Variants in UNC13D observed in about 807,000 individuals in gnomAD.
UNC13D encodes the protein unc-13 homolog D.
A neutral mutation model predicts 151.7 loss-of-function variants in UNC13D; 115 were observed. The observed-to-expected ratio is 0.76, with a 90% CI of 0.65 to 0.88. The LOEUF (loss-of-function observed/expected upper bound fraction) is 0.88. Among genes scored for constraint, UNC13D ranks in the 40% least tolerant of loss-of-function variants. UNC13D has a pLI of 0.00. For synonymous variants in UNC13D, 588 were observed against 612.2 expected (o/e 0.96, Z 0.58); for missense variants, 1,369 against 1,438.7 (o/e 0.95, Z 0.78).
At chr17:75,835,244 C>T (rs1047467462) in intron 20 of UNC13D, 165 bp downstream of exon 20, 2 of 1,364,340 alleles carry the variant, frequency 1.5e-6, no homozygotes, top group Admixed American at 2.1e-5. Flanking sequence ...GCCACAGCCC[C>T]AAGGATATCC....
chr17:75,842,618 G>A lies in UNC13D; in HGVS notation c.389-5C>T. ...GGCAGTAGGGGTCGCTGAACCCTGT[G>A]GAGGAGTGGGGAAGACGAGGCAGCC... On this transcript the variant is annotated splice_region_variant and splice_polypyrimidine_tract_variant and intron_variant, in intron 5 of 31. Coordinates refer to ENST00000207549, the MANE Select transcript of UNC13D (RefSeq NM_199242.3). 6.2e-7 allele frequency: 1 copy of A among 1,611,290 alleles called. No individual in the cohort carries two copies. The highest frequency in any genetic ancestry group is 1.3e-5 in the African/African-American group (1 of 75,046).
chr17:75,831,321 T>C lies in UNC13D; in HGVS notation c.2475A>G (p.Thr825=), dbSNP rs2143867617. The C allele has an allele frequency of 6.2e-7, 1 of 1,612,780 alleles. No individual in the cohort carries two copies. Among genetic ancestry groups the C allele is most frequent in the Non-Finnish European group, 8.5e-7 (1 of 1,179,968 alleles). Reference sequence around the variant, plus strand: ...CGGCCGCCTCCACCAGCACTGTGAGTGTGTGGGTCCAGAGCAGGGTCAGGA... The same window carrying C: ...CGGCCGCCTCCACCAGCACTGTGAGCGTGTGGGTCCAGAGCAGGGTCAGGA... ...SSLLTLLWTH[T]LTVLVEAAAS... is the part of the protein sequence containing the mutation. The change falls in exon 26 of 32, where the codon ACA becomes ACG. Residue 825 remains threonine (T), a synonymous_variant. Coordinates refer to ENST00000207549, the MANE Select transcript of UNC13D (RefSeq NM_199242.3).
Position 75,827,642 on chromosome 17 carries a change from A to AGATGGGCCAGGGCCAGGAGG in UNC13D, c.*322_*323insCCTCCTGGCCCTGGCCCATC, listed in dbSNP as rs2062132892. ...GAGGCAGATGGGCCAGGGCCAGGAGACAGATGGCCCAATCCCCTGCCCACC... is the reference window on the plus strand; with the variant it reads ...GAGGCAGATGGGCCAGGGCCAGGAGAGATGGGCCAGGGCCAGGAGGCAGATGGCCCAATCCCCTGCCCACC... On this transcript the variant is annotated 3_prime_UTR_variant, in exon 32 of 32. Transcript: ENST00000207549. 6.5e-7 allele frequency: 1 copy of AGATGGGCCAGGGCCAGGAGG among 1,531,032 alleles called. No individual in the cohort carries two copies. The highest frequency in any genetic ancestry group is 1.4e-5 in the African/African-American group (1 of 69,302). 94.8% of individuals were successfully genotyped at this position (1,531,032 alleles called of 1,614,324 possible).
At chr17:75,841,961 A>G (rs1038305087) in intron 6 of UNC13D, among the ~76,000 whole-genome samples, 4 of 151,160 alleles carry the variant, frequency 2.6e-5, no homozygotes, top group Non-Finnish European at 5.9e-5. Context: ...GTTAGCCAGG[A>G]TGGTCTCAAT....
Position 75,835,059 on chromosome 17 carries a change from A to T in UNC13D, c.1853T>A (p.Val618Glu). 4 of 1,613,598 alleles carry T rather than the reference A, an allele frequency of 2.5e-6. No individual in the cohort carries two copies. The highest frequency in any genetic ancestry group is 3.4e-6 in the Non-Finnish European group (4 of 1,179,914). Residue 618 changes from valine to glutamate, a missense_variant, in exon 21 of 32, where the codon GTG becomes GAG. Physicochemically the swap from Val to Glu is moderately radical, Grantham distance 121. This residue lies in a region of UNC13D where 807 missense variants were observed against 795.5 expected (regional missense o/e 1.01). Transcript: ENST00000207549. The part of the protein sequence containing the change: ...VQRAVQMDEL[V>E]PLGELTKHST... ...GTGCTTGGTCAGTTCACCCAGGGGC[A>T]CCAGCTGGGGGAAGAAAGGAGGACT...
rs1214185706 is a variant in UNC13D at position 75,827,493 on chromosome 17, C to T, written c.*472G>A. On this transcript the variant is annotated 3_prime_UTR_variant, in exon 32 of 32. Coordinates refer to ENST00000207549, the MANE Select transcript of UNC13D (RefSeq NM_199242.3). ...CTCTAGTAATGGCCACCACCCTCCC[C>T]CCAGGGCAGCTGGAGCCTCATCTTT... The T allele has an allele frequency of 1.4e-5, 21 of 1,512,810 alleles. No homozygotes were observed. The highest frequency in any genetic ancestry group is 1.9e-5 in the Non-Finnish European group (21 of 1,133,380). 93.7% of individuals were successfully genotyped at this position (1,512,810 alleles called of 1,614,324 possible).
Position 75,834,548 on chromosome 17 carries a change from G to A in UNC13D, c.2092-17C>T. ...CACACACAGCTGGGACAGAGATGCA[G>A]AGCTTCCTGAACTGTGCCCAGGCTG... On this transcript the variant is annotated splice_polypyrimidine_tract_variant and intron_variant, in intron 22 of 31. Coordinates refer to ENST00000207549, the MANE Select transcript of UNC13D (RefSeq NM_199242.3). 6.2e-7 allele frequency: 1 copy of A among 1,605,080 alleles called. No homozygotes were observed. Among genetic ancestry groups the A allele is most frequent in the East Asian group, 2.2e-5 (1 of 44,674 alleles).
At position 75,830,558 on chromosome 17, in the gene UNC13D, G is replaced by A. The variant is rs775282536; in HGVS notation, c.2709+20C>T. The A allele has an allele frequency of 1.9e-5, 30 of 1,566,998 alleles. No homozygotes were observed. Among genetic ancestry groups the A allele is most frequent in the Non-Finnish European group, 2.4e-5 (28 of 1,155,924 alleles). On this transcript the variant is annotated intron_variant, in intron 28 of 31. Coordinates refer to ENST00000207549, the MANE Select transcript of UNC13D (RefSeq NM_199242.3). ...TGCTCCAGGGCCTGCAGAGGGCGCAGTGCGAGGGAGGGGCCTCACCTGCTG... is the reference window on the plus strand; with the variant it reads ...TGCTCCAGGGCCTGCAGAGGGCGCAATGCGAGGGAGGGGCCTCACCTGCTG...
chr17:75,839,713 TA>T, intron 12 of UNC13D, 125 bp downstream of exon 12: 1 of 1,077,220 alleles, frequency 9.3e-7, no homozygotes, highest in Non-Finnish European at 1.4e-6. Flanking sequence ...ATTCAAAACT[TA>T]AAACACACAT....
In UNC13D at chr17:75,835,450, C is replaced by T. The variant is rs755348845; in HGVS notation, c.1807G>A (p.Glu603Lys). The T allele has an allele frequency of 8.7e-6, 14 of 1,612,818 alleles. No homozygotes were observed. Among genetic ancestry groups the T allele is most frequent in the African/African-American group, 2.7e-5 (2 of 74,902 alleles). The change falls in exon 20 of 32, where the codon GAG (glutamate) becomes AAG (lysine). Residue 603 changes from glutamate (E) to lysine (K), a missense_variant. Physicochemically the swap from Glu to Lys is moderately conservative, Grantham distance 56. This residue lies in a region of UNC13D where 807 missense variants were observed against 795.5 expected (regional missense o/e 1.01). Transcript: ENST00000207549. ...GCGCGCTGCACCCGCGCCAGGGCCT[C>T]GTTGTACGTCTTCTGCAGCCAGGAG... ...IPSWLQKTYN[E>K]ALARVQRAVQ...
At chr17:75,838,373 C>T (rs543051907) in intron 12 of UNC13D, among the ~76,000 whole-genome samples, 1 of 152,124 alleles carries the variant, frequency 6.6e-6, no homozygotes, top group Non-Finnish European at 1.5e-5. Flanking sequence ...CATGCGCCCC[C>T]ACACCTGACT....
chr17:75,834,852 GGAGAA>G, intron 21 of UNC13D, 63 bp downstream of exon 21: 1 of 1,613,060 alleles, frequency 6.2e-7, no homozygotes, highest in Non-Finnish European at 8.5e-7. Flanking sequence ...TGAGAGCACG[GGAGAA>G]ACGGTGGGTG....
At chr17:75,842,292 G>A in intron 6 of UNC13D, 141 bp downstream of exon 6, 1 of 1,173,032 alleles carries the variant, frequency 8.5e-7, no homozygotes, top group African/African-American at 1.5e-5. Context: ...CGTGCCTGGA[G>A]ATGGGCTTCT....
In UNC13D at chr17:75,832,099, A is replaced by AGAGC. The variant is rs1250886068; in HGVS notation, c.2448-755_2448-752dup. ...GCCACTGCACTCCAGCCTGGGCGAC[A>AGAGC]GAGCGAGACTCCGTCTCAAAAAAAT... On this transcript the variant is annotated intron_variant, in intron 25 of 31. Transcript: ENST00000207549. The surrounding 1 kb of genome is among the most constrained non-coding windows in gnomAD (Gnocchi z 4.3). 6.6e-5 allele frequency: 10 copies of AGAGC among 152,246 alleles called. No individual in the cohort carries two copies. Among genetic ancestry groups the AGAGC allele is most frequent in the African/African-American group, 2.4e-4 (10 of 41,454 alleles). The allele number at this position is 152,246 out of a possible 1,614,324, so 9.4% of individuals were successfully genotyped here.
In UNC13D at chr17:75,827,821, G is replaced by A; in HGVS notation, c.*144C>T. 6.7e-7 allele frequency: 1 copy of A among 1,495,314 alleles called. No individual in the cohort carries two copies. The highest frequency in any genetic ancestry group is 1.3e-5 in the South Asian group (1 of 78,384). The allele number at this position is 1,495,314 out of a possible 1,614,324, so 92.6% of individuals were successfully genotyped here. ...TCACCATGGGAGGCAGGGGAGGTCTGCACTCTGGGCACTCCGCATGCTGGG... is the reference window on the plus strand; with the variant it reads ...TCACCATGGGAGGCAGGGGAGGTCTACACTCTGGGCACTCCGCATGCTGGG... On this transcript the variant is annotated 3_prime_UTR_variant, in exon 32 of 32. Transcript: ENST00000207549.
chr17:75,842,719 AG>A, intron 5 of UNC13D, 106 bp from the exon 6 acceptor site: 1 of 1,597,392 alleles, frequency 6.3e-7, no homozygotes, highest in South Asian at 1.1e-5. Context: ...GGGAGAGGGA[AG>A]GGGACCAGCA....
intron 27 of UNC13D, 45 bp downstream of exon 27, chr17:75,831,053 A>G: frequency 6.2e-7 from 1 of 1,610,446 alleles, no homozygotes; most frequent in Non-Finnish European, 8.5e-7. Context: ...GCCAAAAGGC[A>G]GGCTCCCCAG....
intron 5 of UNC13D, 52 bp from the exon 6 acceptor site, chr17:75,842,665 G>A: frequency 8.1e-6 from 13 of 1,608,258 alleles, no homozygotes; most frequent in Non-Finnish European, 1.1e-5. Context: ...TGGGTCCCTG[G>A]GAGAGGCCCT....
In UNC13D at chr17:75,840,303, C is replaced by T. The variant is rs769371398; in HGVS notation, c.780G>A (p.Trp260Ter). The T allele has an allele frequency of 1.9e-6, 3 of 1,613,746 alleles. No individual in the cohort carries two copies. Among genetic ancestry groups the T allele is most frequent in the Non-Finnish European group, 2.5e-6 (3 of 1,180,016 alleles). ...LQDLRCREDQ[W>*]YPLEPRTETY... Reference sequence around the variant, plus strand: ...TCTCAGTGCGGGGTTCCAGGGGGTACCACTGGTCCTCTCGGCAGCGCAGGT... The same window carrying T: ...TCTCAGTGCGGGGTTCCAGGGGGTATCACTGGTCCTCTCGGCAGCGCAGGT... Residue 260 changes from tryptophan (W) to a stop codon, truncating the protein, a stop_gained, in exon 10 of 32, where the codon TGG (tryptophan) becomes TGA (stop). Coordinates refer to ENST00000207549, the MANE Select transcript of UNC13D (RefSeq NM_199242.3). LOFTEE classifies it high-confidence loss of function. This position sits in a 1 kb window ranked among gnomAD's most constrained non-coding sequence, Gnocchi z 4.6.
Sources: allele counts gnomAD v4.1 joint callset (sites outside exome capture counted in the v4.1 genomes callset), GRCh38; gene constraint gnomAD v4.1.1; regional missense constraint gnomAD v4.1.1; non-coding constraint Gnocchi (gnomAD v3.1); transcripts MANE v1.5; gene names NCBI Gene and HGNC (gene_info 2026-07-23, HGNC 2026-07-21).